The following ACAP2 variants were observed in gnomAD, a reference collection of about 807,000 sequenced individuals.
ACAP2 encodes the protein arf-GAP with coiled-coil, ANK repeat and PH domain-containing protein 2.
In ACAP2, 39 loss-of-function variants were observed where a neutral mutation model predicts 115.8. That is an observed-to-expected ratio of 0.34 (90% CI 0.26 to 0.44). ACAP2 has a LOEUF of 0.44. ACAP2 is among the 20% of genes least tolerant of loss of function. The probability of loss-of-function intolerance (pLI) is 1.00; values close to 1 mark genes in which losing one functional copy is unlikely to be tolerated. For synonymous variants in ACAP2, 289 were observed against 315.8 expected, an observed-to-expected ratio of 0.92 and a Z score of 0.90; for missense variants, 662 against 927.6, an observed-to-expected ratio of 0.71 and a Z score of 3.72.
intron 1 of ACAP2, among the ~76,000 whole-genome samples, chr3:195,395,230 C>T (rs1479418307): frequency 1.3e-5 from 2 of 151,986 alleles, no homozygotes; most frequent in African/African-American, 2.4e-5. Flanking sequence ...TAGACCCCTA[C>T]CCTCCATAGC....
intron 9 of ACAP2, among the ~76,000 whole-genome samples, chr3:195,321,897 G>A (rs1306520780): frequency 1.3e-5 from 2 of 152,184 alleles, no homozygotes; most frequent in African/African-American, 4.8e-5. Flanking sequence ...ACAGGTGTGA[G>A]CCACTGAGCC....
chr3:195,417,078 ATTTTTTT>A (rs11293878), intron 1 of ACAP2, among the ~76,000 whole-genome samples: 14 of 109,550 alleles, frequency 1.3e-4, no homozygotes, highest in African/African-American at 5.0e-4. Flanking sequence ...TGCCTGGCTA[ATTTTTTT>A]TTTTTTTTTT....
Position 195,394,653 on chromosome 3 carries a change from T to TA in ACAP2, c.54-2507dup, listed in dbSNP as rs566994042. ...CAACAGAGCAAAAGCCAGTCTCTACTAAAAATACAAAAAGTAGCGTCAGGC... is the reference window on the plus strand; with the variant it reads ...CAACAGAGCAAAAGCCAGTCTCTACTAAAAAATACAAAAAGTAGCGTCAGGC... On this transcript the variant is annotated intron_variant, in intron 1 of 22. Coordinates refer to ENST00000326793, the MANE Select transcript of ACAP2 (RefSeq NM_012287.6). Among the ~76,000 whole-genome samples the TA allele has an allele frequency of 1.5e-3, 225 of 152,244 alleles. 1 individual carries two copies. The highest frequency in any genetic ancestry group is 5.3e-3 in the African/African-American group (221 of 41,546).
intron 1 of ACAP2, among the ~76,000 whole-genome samples, chr3:195,412,058 C>T (rs920764521): frequency 6.6e-6 from 1 of 150,618 alleles, no homozygotes; most frequent in African/African-American, 2.4e-5. Context: ...GGTGCAGTGG[C>T]TCATGCCTAT....
At chr3:195,285,951 T>C in intron 21 of ACAP2, 94 bp from the exon 22 acceptor site, 1 of 891,330 alleles carries the variant, frequency 1.1e-6, no homozygotes, top group Non-Finnish European at 1.6e-6. Context: ...ACTAATGTAA[T>C]TGTGTTTTAT....
intron 1 of ACAP2, among the ~76,000 whole-genome samples, chr3:195,437,079 G>C (rs114883308): frequency 0.022 from 3,422 of 152,218 alleles, 119 homozygotes; most frequent in African/African-American, 0.077. Context: ...ACAGGGTCTT[G>C]CTCTGTCTTC....
At chr3:195,359,918 G>T (rs1049526048) in intron 4 of ACAP2, among the ~76,000 whole-genome samples, 1 of 152,068 alleles carries the variant, frequency 6.6e-6, no homozygotes, top group South Asian at 2.1e-4. Flanking sequence ...AGCAAGAAAA[G>T]AAAACATAAC....
At chr3:195,404,485 C>A (rs909395182) in intron 1 of ACAP2, among the ~76,000 whole-genome samples, 2 of 151,988 alleles carry the variant, frequency 1.3e-5, no homozygotes, top group Non-Finnish European at 2.9e-5. Context: ...ATGTTCCCAA[C>A]TAGATACCCT....
chr3:195,293,825 G>A (rs921730437), intron 18 of ACAP2, among the ~76,000 whole-genome samples: 4 of 151,884 alleles, frequency 2.6e-5, no homozygotes, highest in South Asian at 2.1e-4. Context: ...ACAACAGAGC[G>A]AGACTCAAAA....
intron 10 of ACAP2, among the ~76,000 whole-genome samples, chr3:195,310,090 T>A (rs1046003970): frequency 6.6e-6 from 1 of 150,898 alleles, no homozygotes; most frequent in Non-Finnish European, 1.5e-5. Context: ...TACCTTTTCA[T>A]TGATACTAAT....
intron 22 of ACAP2, among the ~76,000 whole-genome samples, chr3:195,283,764 A>T (rs1013302488): frequency 6.6e-5 from 10 of 152,218 alleles, no homozygotes; most frequent in African/African-American, 2.4e-4. Flanking sequence ...TCTCAAGATG[A>T]TCCTCAAATA....
At chr3:195,357,662 A>C (rs1357992384) in intron 4 of ACAP2, 1 of 152,226 alleles carries the variant, frequency 6.6e-6, no homozygotes, top group Non-Finnish European at 1.5e-5. Context: ...ATTTTGGAGA[A>C]AGTAAGGGAA....
intron 1 of ACAP2, chr3:195,442,287 C>CT (rs1340693449): frequency 6.5e-6 from 1 of 154,488 alleles, no homozygotes; most frequent in Non-Finnish European, 1.4e-5. Context: ...AGTTCGCCCC[C>CT]TACTCTCTCC....
intron 4 of ACAP2, among the ~76,000 whole-genome samples, chr3:195,361,040 T>C (rs998249434): frequency 5.9e-5 from 8 of 136,636 alleles, no homozygotes; most frequent in Non-Finnish European, 1.3e-4. Context: ...CCGACCACAA[T>C]GGAATAAAAC....
intron 20 of ACAP2, among the ~76,000 whole-genome samples, 169 bp from the exon 21 acceptor site, chr3:195,289,400 C>G (rs1727084275): frequency 6.6e-6 from 1 of 152,048 alleles, no homozygotes; most frequent in Non-Finnish European, 1.5e-5. Flanking sequence ...TTACCAAGAT[C>G]AACATTTCAC....
At chr3:195,364,844 T>A (rs1238552578) in intron 4 of ACAP2, among the ~76,000 whole-genome samples, 1 of 152,200 alleles carries the variant, frequency 6.6e-6, no homozygotes, top group African/African-American at 2.4e-5. Flanking sequence ...TACTGTAGCA[T>A]ATTTACAGTA....
intron 15 of ACAP2, among the ~76,000 whole-genome samples, chr3:195,298,250 CTCTT>C (rs1560213773): frequency 8.4e-6 from 1 of 119,226 alleles, no homozygotes; most frequent in Non-Finnish European, 1.7e-5. Flanking sequence ...CCTTTCTCTC[CTCTT>C]TTTTTTTTTT....
intron 1 of ACAP2, among the ~76,000 whole-genome samples, chr3:195,440,501 T>C (rs560259009): frequency 2.0e-5 from 3 of 152,340 alleles, no homozygotes; most frequent in Non-Finnish European, 4.4e-5. Flanking sequence ...ACAAGATTCA[T>C]TTATGAATAA....
chr3:195,338,108 T>C (rs9288744), intron 6 of ACAP2, among the ~76,000 whole-genome samples: 48,369 of 152,112 alleles, frequency 0.32, 8,891 homozygotes, highest in East Asian at 0.82. Flanking sequence ...GCTTCTTACG[T>C]ACTGTCTAGT....
Sources: gnomAD v4.1 joint callset for allele counts (sites outside exome capture counted in the v4.1 genomes callset) on GRCh38, gnomAD v4.1.1 for gene constraint, MANE v1.5 for transcripts, NCBI Gene and HGNC (gene_info 2026-07-23, HGNC 2026-07-21) for gene names.